Variants in NLGN1 observed in about 807,000 individuals in gnomAD.
NLGN1 encodes the protein neuroligin-1.
A neutral mutation model predicts 65.5 loss-of-function variants in NLGN1; 12 were observed. The observed-to-expected ratio is 0.18, with a 90% CI of 0.12 to 0.30. The LOEUF is 0.30. Among genes scored for constraint, NLGN1 ranks in the 10% least tolerant of loss-of-function variants. NLGN1 has a pLI of 1.00. For missense variants in NLGN1, 750 were observed against 1,007.1 expected, an observed-to-expected ratio of 0.74 and a Z score of 3.46; for synonymous variants, 350 against 359.5, an observed-to-expected ratio of 0.97 and a Z score of 0.30.
chr3:174,109,441 A>G (rs1046159754), intron 4 of NLGN1, among the ~76,000 whole-genome samples: 2 of 151,862 alleles, frequency 1.3e-5, no homozygotes, highest in African/African-American at 4.8e-5. Flanking sequence ...CAATTTTTTT[A>G]TTCTCTATTC....
At chr3:173,626,136 G>A (rs1754789420) in intron 3 of NLGN1, among the ~76,000 whole-genome samples, 2 of 151,994 alleles carry the variant, frequency 1.3e-5, no homozygotes, top group South Asian at 2.1e-4. Context: ...CTAGCTCCAT[G>A]TAGCTATCAA....
intron 4 of NLGN1, among the ~76,000 whole-genome samples, chr3:173,947,047 G>A (rs1271831826): frequency 1.4e-5 from 2 of 140,602 alleles, no homozygotes; most frequent in Non-Finnish European, 3.0e-5. Flanking sequence ...TAACTATCTA[G>A]CAGTTGTTAG....
chr3:173,929,444 A>C (rs1743634054), intron 4 of NLGN1, among the ~76,000 whole-genome samples: 1 of 152,132 alleles, frequency 6.6e-6, no homozygotes, highest in Non-Finnish European at 1.5e-5. Flanking sequence ...AGATTTGCCC[A>C]CACAATATCT....
chr3:173,566,603 G>A (rs978886962), intron 2 of NLGN1, among the ~76,000 whole-genome samples: 1 of 151,966 alleles, frequency 6.6e-6, no homozygotes, highest in African/African-American at 2.4e-5. Flanking sequence ...TCTTTCTCAA[G>A]TACTTTTCCA....
At chr3:173,858,575 G>T (rs557246174) in intron 4 of NLGN1, among the ~76,000 whole-genome samples, 182 of 152,050 alleles carry the variant, frequency 1.2e-3, no homozygotes, top group African/African-American at 4.1e-3. Flanking sequence ...ATTAAAATGG[G>T]TCATGATTTC....
At chr3:173,448,295 C>G (rs2148829194) in intron 2 of NLGN1, among the ~76,000 whole-genome samples, 1 of 152,210 alleles carries the variant, frequency 6.6e-6, no homozygotes, top group African/African-American at 2.4e-5. Flanking sequence ...TTGTCAAAGG[C>G]CTTTTCTGCA....
At chr3:173,671,062 A>C (rs1762379627) in intron 3 of NLGN1, among the ~76,000 whole-genome samples, 1 of 152,198 alleles carries the variant, frequency 6.6e-6, no homozygotes, top group South Asian at 2.1e-4. Context: ...GTGTATTATT[A>C]GTACACTCTT....
chr3:173,501,147 A>G (rs1446012820), intron 2 of NLGN1, among the ~76,000 whole-genome samples: 2 of 152,040 alleles, frequency 1.3e-5, no homozygotes, highest in Non-Finnish European at 2.9e-5. Context: ...CATGTGCAGG[A>G]TGTGCAGGTT....
chr3:174,052,965 C>T (rs968356235), intron 4 of NLGN1, among the ~76,000 whole-genome samples: 1 of 151,988 alleles, frequency 6.6e-6, no homozygotes, highest in Non-Finnish European at 1.5e-5. Flanking sequence ...TTACAACTAG[C>T]TAATTGCTAC....
chr3:173,422,546 A>G (rs1022398940), intron 1 of NLGN1, among the ~76,000 whole-genome samples: 11 of 152,140 alleles, frequency 7.2e-5, no homozygotes, highest in Non-Finnish European at 1.5e-4. Context: ...AGGAACTATT[A>G]TACTGTTTTT....
At chr3:173,552,857 C>T (rs920912384) in intron 2 of NLGN1, among the ~76,000 whole-genome samples, 3 of 152,144 alleles carry the variant, frequency 2.0e-5, no homozygotes, top group Non-Finnish European at 4.4e-5. Flanking sequence ...TTATATAACA[C>T]ACAGTAGTGT....
At chr3:174,005,115 C>T (rs1724095736) in intron 4 of NLGN1, among the ~76,000 whole-genome samples, 1 of 152,128 alleles carries the variant, frequency 6.6e-6, no homozygotes, top group Admixed American at 6.6e-5. Context: ...GACTTTGCCT[C>T]TTCAATGTAC....
chr3:173,861,514 ACGTG>A (rs1458818887), intron 4 of NLGN1, among the ~76,000 whole-genome samples: 11 of 92,200 alleles, frequency 1.2e-4, no homozygotes, highest in Middle Eastern at 5.7e-3. Flanking sequence ...AGTAGCTGGC[ACGTG>A]TGTGTGTGTG....
chr3:173,763,380 C>A (rs1425002720), intron 3 of NLGN1, among the ~76,000 whole-genome samples: 1 of 151,930 alleles, frequency 6.6e-6, no homozygotes, highest in Admixed American at 6.6e-5. Context: ...CTGTGCTAGA[C>A]AAAATGTAAG....
intron 1 of NLGN1, among the ~76,000 whole-genome samples, chr3:173,406,332 T>C (rs1718646760): frequency 6.6e-6 from 1 of 151,736 alleles, no homozygotes; most frequent in Non-Finnish European, 1.5e-5. Context: ...AATGTTCTTC[T>C]TTAAAAGAAT....
At chr3:173,857,384 GAGC>G (rs1350098545) in intron 4 of NLGN1, among the ~76,000 whole-genome samples, 1 of 152,050 alleles carries the variant, frequency 6.6e-6, no homozygotes, top group East Asian at 1.9e-4. Flanking sequence ...GGTTTGTACA[GAGC>G]CTTCTCAACC....
chr3:173,620,778 C>T (rs1753867946), intron 3 of NLGN1, among the ~76,000 whole-genome samples: 1 of 151,992 alleles, frequency 6.6e-6, no homozygotes, highest in Admixed American at 6.6e-5. Flanking sequence ...AGAATCATAA[C>T]TCTGCAGCTT....
rs573999610 is a variant in NLGN1, at chr3:173,558,659, C to T, written c.-320-45620C>T. Among the ~76,000 whole-genome samples the T allele has an allele frequency of 3.9e-5, 6 of 152,188 alleles. No individual in the cohort carries two copies. The South Asian group carries it at 1.2e-3, about 32-fold the overall frequency. ...ATTTCTCTTTTGAAACAGAAAATCT[C>T]TTCATTCATTATATCCATTTCCCCT... On this transcript the variant is annotated intron_variant, in intron 2 of 6. Transcript: ENST00000457714.
intron 2 of NLGN1, among the ~76,000 whole-genome samples, chr3:173,464,038 T>A (rs1247924154): frequency 6.6e-6 from 1 of 152,064 alleles, no homozygotes; most frequent in East Asian, 1.9e-4. Context: ...ATTTCTAAAG[T>A]CTAAAGACAT....
Sources: gnomAD v4.1 joint callset for allele counts (sites outside exome capture counted in the v4.1 genomes callset) on GRCh38, gnomAD v4.1.1 for gene constraint, MANE v1.5 for transcripts, NCBI Gene and HGNC (gene_info 2026-07-23, HGNC 2026-07-21) for gene names.